Variants in ALDH3B1 observed in about 807,000 individuals in gnomAD.
The protein encoded by ALDH3B1 is aldehyde dehydrogenase family 3 member B1.
Under a neutral mutation model 46.2 loss-of-function variants are expected in ALDH3B1, and 37 were observed. The ratio of observed to expected loss-of-function variants is 0.80; its 90% CI spans 0.62 to 1.05. ALDH3B1 has a LOEUF of 1.05. ALDH3B1 is among the 50% of genes least tolerant of loss of function. The probability of loss-of-function intolerance (pLI) is 0.00; values close to 1 mark genes in which losing one functional copy is unlikely to be tolerated. For missense variants in ALDH3B1, 603 were observed against 665.5 expected, an observed-to-expected ratio of 0.91 and a Z score of 1.03; for synonymous variants, 283 against 281.0, an observed-to-expected ratio of 1.01 and a Z score of -0.07.
At position 68,015,863 on chromosome 11, in the gene ALDH3B1, C is replaced by T. The variant is rs1190380706; in HGVS notation, c.162+404C>T. 5 of 345,548 alleles carry T rather than the reference C, an allele frequency of 1.4e-5. No homozygotes were observed. In the East Asian group the frequency reaches 4.0e-4, roughly 28 times the overall value. 21.4% of individuals were successfully genotyped at this position (345,548 alleles called of 1,614,324 possible). A position where few individuals can be genotyped will look rare whatever the true frequency, so the allele number is the denominator to read the frequency against. ...GGCGGATCGCTTGAGGCCAGGAGTT[C>T]AAGACCATCCTGGCCAACATGGCGA... On this transcript the variant is annotated intron_variant, in intron 2 of 9. Coordinates refer to ENST00000342456, the MANE Select transcript of ALDH3B1 (RefSeq NM_000694.4).
chr11:68,026,724 G>A (rs1857632334), intron 9 of ALDH3B1, among the ~76,000 whole-genome samples: 1 of 152,206 alleles, frequency 6.6e-6, no homozygotes, highest in African/African-American at 2.4e-5. Context: ...TCAGAGAACA[G>A]TAGGCCCCGA....
At position 68,018,764 on chromosome 11, in the gene ALDH3B1, C is replaced by A; in HGVS notation, c.274-9C>A. ...GAGCACTTAATTTCATCCCCGGCTC[C>A]CGGCCCAGGCCACGCAGCTGGACTC... On this transcript the variant is annotated splice_polypyrimidine_tract_variant and intron_variant, in intron 3 of 9. Coordinates refer to ENST00000342456, the MANE Select transcript of ALDH3B1 (RefSeq NM_000694.4). 1 of 1,551,732 alleles carries A rather than the reference C, an allele frequency of 6.4e-7. No individual in the cohort carries two copies. Among genetic ancestry groups the A allele is most frequent in the South Asian group, 1.2e-5 (1 of 84,082 alleles).
At position 68,021,799 on chromosome 11, in the gene ALDH3B1, C is replaced by CGGCTGCGGGCATTGCTG; in HGVS notation, c.886_902dup (p.Arg302HisfsTer35). The CGGCTGCGGGCATTGCTG allele has an allele frequency of 1.2e-6, 2 of 1,614,140 alleles. No individual in the cohort carries two copies. Among genetic ancestry groups the CGGCTGCGGGCATTGCTG allele is most frequent in the Non-Finnish European group, 8.5e-7 (1 of 1,179,990 alleles). ...CATCATCAACCAGAAACAGTTCCAG[C>CGGCTGCGGGCATTGCTG]GGCTGCGGGCATTGCTGGGCTGCGG... On this transcript the variant is annotated frameshift_variant, in exon 7 of 10. Transcript: ENST00000342456. LOFTEE classifies it high-confidence loss of function.
chr11:68,010,200 C>G (rs1366320773), upstream of ALDH3B1: 1 of 152,272 alleles, frequency 6.6e-6, no homozygotes, highest in African/African-American at 2.4e-5. Context: ...ATGTCGAGGC[C>G]CCCGAGGGAG....
At chr11:68,020,403 T>C (rs1490604778) in intron 6 of ALDH3B1, among the ~76,000 whole-genome samples, 2 of 151,554 alleles carry the variant, frequency 1.3e-5, no homozygotes, top group Non-Finnish European at 2.9e-5. Flanking sequence ...CCGGCTAATT[T>C]TTTGTATTTT....
chr11:68,018,240 G>A, intron 2 of ALDH3B1: 1 of 455,300 alleles, frequency 2.2e-6, no homozygotes, highest in South Asian at 2.4e-5. Context: ...CCCCCACCCT[G>A]CTCCATGATT....
intron 1 of ALDH3B1, among the ~76,000 whole-genome samples, chr11:68,013,510 T>C (rs1565132618): frequency 6.6e-6 from 1 of 151,754 alleles, no homozygotes; most frequent in Non-Finnish European, 1.5e-5. Context: ...CCCAGGAGAG[T>C]GCGGAGTTGA....
upstream of ALDH3B1, among the ~76,000 whole-genome samples, chr11:68,009,465 T>C (rs1387199410): frequency 6.6e-6 from 1 of 152,224 alleles, no homozygotes; most frequent in Non-Finnish European, 1.5e-5. Flanking sequence ...TTTATTCAGC[T>C]GGGAGCATCA....
At chr11:68,010,828 G>T (rs1412719401) in intron 1 of ALDH3B1, among the ~76,000 whole-genome samples, 6 of 152,226 alleles carry the variant, frequency 3.9e-5, no homozygotes, top group East Asian at 1.9e-4. Context: ...CTGATGCAGG[G>T]ATGTGGCCAT....
chr11:68,019,019 C>A, intron 4 of ALDH3B1, 126 bp downstream of exon 4: 1 of 1,467,236 alleles, frequency 6.8e-7, no homozygotes, highest in Non-Finnish European at 9.1e-7. Flanking sequence ...GTCCACCGTC[C>A]CCGGGCTGTG....
rs1313646890 is a variant in ALDH3B1 at position 68,028,658 on chromosome 11, CAGA to C, written c.*722_*724del. ...CGTCACTGAACTCCGGCCTGGGTGA[CAGA>C]AGGAGGCTCTGCCTTAAAAAAAAAA... On this transcript the variant is annotated 3_prime_UTR_variant, in exon 10 of 10. Coordinates refer to ENST00000342456, the MANE Select transcript of ALDH3B1 (RefSeq NM_000694.4). 3 of 137,076 alleles carry C rather than the reference CAGA, an allele frequency of 2.2e-5. No homozygotes were observed. The highest frequency in any genetic ancestry group is 8.5e-5 in the African/African-American group (3 of 35,248). The allele number at this position is 137,076 out of a possible 1,614,324, so 8.5% of individuals were successfully genotyped here.
At position 68,022,671 on chromosome 11, in the gene ALDH3B1, C is replaced by T. The variant is rs778103299; in HGVS notation, c.1026C>T (p.Ile342=). Residue 342 remains isoleucine, a synonymous_variant, in exon 8 of 10, where the codon ATC becomes ATT. Coordinates refer to ENST00000342456, the MANE Select transcript of ALDH3B1 (RefSeq NM_000694.4). ...AGATCTTCGGGCCCATCCTGCCCAT[C>T]GTGAACGTGCAGAGCTTGGACGAGG... ...QEEIFGPILP[I]VNVQSLDEAI... is the part of the protein sequence containing the mutation. 12 of 1,614,174 alleles carry T rather than the reference C, an allele frequency of 7.4e-6. No homozygotes were observed. The highest frequency in any genetic ancestry group is 4.4e-5 in the South Asian group (4 of 91,080).
At position 68,021,476 on chromosome 11, in the gene ALDH3B1, C is replaced by T. The variant is rs1391467757; in HGVS notation, c.563-9C>T. On this transcript the variant is annotated splice_polypyrimidine_tract_variant and intron_variant, in intron 6 of 9. Transcript: ENST00000342456. The stretch of plus-strand genomic sequence containing the variant: ...CTGAACGGCCACTCTGGTTTCCTTC[C>T]ATGCCCAGGGAGCCCTCGTGTGGGC... The T allele has an allele frequency of 1.2e-6, 2 of 1,603,740 alleles. No homozygotes were observed. The highest frequency in any genetic ancestry group is 1.3e-5 in the African/African-American group (1 of 74,758).
chr11:68,019,250 G>A lies in ALDH3B1; in HGVS notation c.475G>A (p.Asp159Asn). Residue 159 changes from aspartate (D) to asparagine (N), a missense_variant, in exon 5 of 10, where the codon GAC becomes AAC. By Grantham distance (23) the Asp-to-Asn change is conservative (BLOSUM62 1). Transcript: ENST00000342456. The stretch of plus-strand genomic sequence containing the variant: ...GGCCGAGGTGCTGCCCCAATACGTG[G>A]ACCAGGTGAGCAGGGCTGCCGGGCA... ...ILAEVLPQYV[D>N]QSCFAVVLGG... 1 of 1,612,728 alleles carries A rather than the reference G, an allele frequency of 6.2e-7. No homozygotes were observed. The highest frequency in any genetic ancestry group is 8.5e-7 in the Non-Finnish European group (1 of 1,179,412).
chr11:68,019,283 C>A (rs143290196), intron 5 of ALDH3B1, 28 bp downstream of exon 5: 3 of 1,598,622 alleles, frequency 1.9e-6, no homozygotes, highest in Non-Finnish European at 8.5e-7. Context: ...GCAGGTAGAG[C>A]GGGAACAGGC....
chr11:68,026,953 G>A (rs1248233059), intron 9 of ALDH3B1, among the ~76,000 whole-genome samples: 2 of 151,196 alleles, frequency 1.3e-5, no homozygotes, highest in East Asian at 2.0e-4. Context: ...TCCTCAACCC[G>A]CCTCCCTGCC....
At chr11:68,020,142 C>T (rs1388823772) in intron 6 of ALDH3B1, among the ~76,000 whole-genome samples, 1 of 152,256 alleles carries the variant, frequency 6.6e-6, no homozygotes, top group Admixed American at 6.5e-5. Context: ...GCCTCAGTGT[C>T]CTGCCCAGGG....
At chr11:68,014,582 C>A (rs1469167831) in intron 1 of ALDH3B1, among the ~76,000 whole-genome samples, 1 of 152,152 alleles carries the variant, frequency 6.6e-6, no homozygotes, top group African/African-American at 2.4e-5. Flanking sequence ...CCCTGATCCT[C>A]TCCCCCACAG....
chr11:68,011,102 C>T (rs1020560665), intron 1 of ALDH3B1, among the ~76,000 whole-genome samples: 2 of 152,208 alleles, frequency 1.3e-5, no homozygotes, highest in African/African-American at 4.8e-5. Context: ...AGCTTAAGGC[C>T]ATCAAAAGAC....
Sources: gnomAD v4.1 joint callset for allele counts (sites outside exome capture counted in the v4.1 genomes callset) on GRCh38, gnomAD v4.1.1 for gene constraint, MANE v1.5 for transcripts, NCBI Gene and HGNC (gene_info 2026-07-23, HGNC 2026-07-21) for gene names.